Variants in RBFOX1 observed in about 807,000 individuals in gnomAD.
RBFOX1 encodes RNA binding fox-1 homolog 1, also known as RNA binding protein fox-1 homolog 1.
Under a neutral mutation model 57.7 loss-of-function variants are expected in RBFOX1, and 8 were observed. The observed-to-expected ratio is 0.14, with a 90% CI of 0.08 to 0.25. The LOEUF (loss-of-function observed/expected upper bound fraction) is 0.25, where lower values mean the gene tolerates loss of function less well. RBFOX1 is among the 10% of genes least tolerant of loss of function. The pLI, the probability that RBFOX1 is intolerant of heterozygous loss-of-function variation, is 1.00. For missense variants in RBFOX1, 611 were observed against 548.5 expected (o/e 1.11, Z -1.14); for synonymous variants, 326 against 222.4 (o/e 1.47, Z -4.15).
chr16:7,198,642 A>G (rs1202779574), intron 4 of RBFOX1, among the ~76,000 whole-genome samples: 2 of 152,206 alleles, frequency 1.3e-5, no homozygotes, highest in Non-Finnish European at 2.9e-5. Context: ...CCTCCATCAC[A>G]TGGTGGAAGG....
At chr16:7,613,921 G>A (rs1366264720) in intron 10 of RBFOX1, among the ~76,000 whole-genome samples, 1 of 152,236 alleles carries the variant, frequency 6.6e-6, no homozygotes, top group South Asian at 2.1e-4. Flanking sequence ...ATTGGCATTG[G>A]GCTCAGGGTG....
chr16:7,471,869 C>T (rs2061612080), intron 4 of RBFOX1, among the ~76,000 whole-genome samples: 2 of 152,190 alleles, frequency 1.3e-5, no homozygotes, highest in African/African-American at 4.8e-5. Context: ...AGAGGTGTCA[C>T]TAGTTTAGCA....
At chr16:5,542,313 A>C (rs560783231) in intron 2 of RBFOX1, among the ~76,000 whole-genome samples, 1 of 145,674 alleles carries the variant, frequency 6.9e-6, no homozygotes, top group African/African-American at 2.6e-5. Flanking sequence ...CAGTGGCACG[A>C]TCTCGGCTCA....
chr16:7,558,399 C>CAT lies in RBFOX1; in HGVS notation c.271-21371_271-21370dup, dbSNP rs1411927348. The stretch of plus-strand genomic sequence containing the variant: ...ATATACACGCGCACACACTCACACA[C>CAT]ATATATATTTATGCTATATATGTAT... On this transcript the variant is annotated intron_variant, in intron 5 of 15. Transcript: ENST00000550418. Among the ~76,000 whole-genome samples the CAT allele has an allele frequency of 8.6e-5, 13 of 151,934 alleles. 1 individual carries two copies. In the South Asian group the frequency reaches 2.7e-3, roughly 32 times the overall value.
chr16:7,082,729 A>G (rs1011997050), intron 4 of RBFOX1, among the ~76,000 whole-genome samples: 2 of 152,196 alleles, frequency 1.3e-5, no homozygotes, highest in Non-Finnish European at 2.9e-5. Flanking sequence ...TGCTGTATAT[A>G]ATTAATGTAT....
At chr16:6,173,317 C>T (rs1257725750) in intron 1 of RBFOX1, among the ~76,000 whole-genome samples, 3 of 152,138 alleles carry the variant, frequency 2.0e-5, no homozygotes, top group African/African-American at 7.2e-5. Flanking sequence ...TAGGAATTAA[C>T]GGTGATTATT....
intron 1 of RBFOX1, among the ~76,000 whole-genome samples, chr16:5,440,807 T>G (rs765529776): frequency 6.6e-6 from 1 of 152,194 alleles, no homozygotes; most frequent in Non-Finnish European, 1.5e-5. Context: ...GAGATTCTCA[T>G]GAGCTGGGAG....
rs190285554 is a variant in RBFOX1 at position 5,306,215 on chromosome 16, A to G, written c.219+66110A>G. On this transcript the variant is annotated intron_variant, in intron 1 of 2. Transcript: ENST00000585867. ...ACCCTGTCTCCAAAAAACTAAATAAATAAAGATAATGGTGAGTAAAGAAGA... is the reference window on the plus strand; with the variant it reads ...ACCCTGTCTCCAAAAAACTAAATAAGTAAAGATAATGGTGAGTAAAGAAGA... Among the ~76,000 whole-genome samples, 219 of 152,344 alleles carry G rather than the reference A, an allele frequency of 1.4e-3. 1 individual carries two copies. Among genetic ancestry groups the G allele is most frequent in the African/African-American group, 5.0e-3 (206 of 41,590 alleles).
chr16:6,333,714 T>C (rs1484808715), intron 2 of RBFOX1, among the ~76,000 whole-genome samples: 4 of 152,218 alleles, frequency 2.6e-5, no homozygotes, highest in African/African-American at 9.6e-5. Flanking sequence ...AGTTTTTAGA[T>C]CACAGACATT....
chr16:7,414,095 A>G (rs1438578540), intron 4 of RBFOX1, among the ~76,000 whole-genome samples: 2 of 152,238 alleles, frequency 1.3e-5, no homozygotes, highest in Non-Finnish European at 2.9e-5. Flanking sequence ...TACATGTTAC[A>G]AAGAAACCAG....
intron 1 of RBFOX1, among the ~76,000 whole-genome samples, chr16:6,130,634 T>G (rs1455169659): frequency 6.6e-6 from 1 of 152,066 alleles, no homozygotes; most frequent in East Asian, 1.9e-4. Context: ...TACAAGAGAC[T>G]CGTCTTAAAT....
chr16:7,084,387 C>G (rs994737150), intron 4 of RBFOX1, among the ~76,000 whole-genome samples: 6 of 152,026 alleles, frequency 3.9e-5, no homozygotes, highest in Non-Finnish European at 8.8e-5. Context: ...AATATTTGAA[C>G]AAATAATCTT....
intron 5 of RBFOX1, among the ~76,000 whole-genome samples, chr16:7,543,013 T>G (rs1275473943): frequency 6.6e-6 from 1 of 152,156 alleles, no homozygotes. Context: ...CGCTCTAGGT[T>G]GCATCTCAGT....
At chr16:6,585,810 C>T (rs995583910) in intron 2 of RBFOX1, among the ~76,000 whole-genome samples, 1 of 152,020 alleles carries the variant, frequency 6.6e-6, no homozygotes, top group Non-Finnish European at 1.5e-5. Context: ...TCCTCTTTGA[C>T]AATTTGTGTA....
At chr16:5,544,281 G>A (rs1258718570) in intron 2 of RBFOX1, among the ~76,000 whole-genome samples, 1 of 152,162 alleles carries the variant, frequency 6.6e-6, no homozygotes, top group Non-Finnish European at 1.5e-5. Flanking sequence ...AAGGAACTCT[G>A]GGAAATTCTC....
chr16:7,120,374 A>G (rs1044725751), intron 4 of RBFOX1, among the ~76,000 whole-genome samples: 4 of 152,080 alleles, frequency 2.6e-5, no homozygotes, highest in African/African-American at 7.2e-5. Context: ...TCAAAAAGCA[A>G]TCAAACCTAA....
At position 5,262,840 on chromosome 16, in the gene RBFOX1, C is replaced by A. The variant is rs535388903; in HGVS notation, c.219+22735C>A. Among the ~76,000 whole-genome samples the A allele has an allele frequency of 7.9e-5, 12 of 152,234 alleles. No individual in the cohort carries two copies. The South Asian group carries it at 2.5e-3, about 32-fold the overall frequency. ...TATTCAAGAGGTGAAAATTGTATTT[C>A]TGGAAGAACACCAGGAGAATGTGAA... On this transcript the variant is annotated intron_variant, in intron 1 of 2. Coordinates refer to the RBFOX1 transcript ENST00000585867.
At chr16:7,694,814 G>A (rs988728312) in intron 14 of RBFOX1, among the ~76,000 whole-genome samples, 6 of 152,122 alleles carry the variant, frequency 3.9e-5, no homozygotes, top group Admixed American at 3.9e-4. Context: ...GGAATGGGAG[G>A]TAGGGGTGGG....
chr16:7,248,828 C>T (rs963430202), intron 4 of RBFOX1, among the ~76,000 whole-genome samples: 4 of 152,160 alleles, frequency 2.6e-5, no homozygotes, highest in African/African-American at 9.7e-5. Flanking sequence ...TTTGAGTAAT[C>T]ATTTAGCTGT....
Sources: allele counts gnomAD v4.1 joint callset (sites outside exome capture counted in the v4.1 genomes callset), GRCh38; gene constraint gnomAD v4.1.1; transcripts MANE v1.5; gene names NCBI Gene and HGNC (gene_info 2026-07-23, HGNC 2026-07-21).